Variants in SYNPR observed in about 807,000 individuals in gnomAD.
SYNPR encodes synaptoporin.
Under a neutral mutation model 32.9 loss-of-function variants are expected in SYNPR, and 23 were observed. That is an observed-to-expected ratio of 0.70 (90% CI 0.50 to 0.99). SYNPR has a LOEUF of 0.99. SYNPR is among the 50% of genes least tolerant of loss of function. The probability of loss-of-function intolerance (pLI) is 0.00; values close to 1 mark genes in which losing one functional copy is unlikely to be tolerated. For missense variants in SYNPR, 318 were observed against 349.3 expected, an observed-to-expected ratio of 0.91 and a Z score of 0.71; for synonymous variants, 146 against 135.9, an observed-to-expected ratio of 1.07 and a Z score of -0.52.
intron 2 of SYNPR, among the ~76,000 whole-genome samples, chr3:63,456,438 G>A (rs1160342997): frequency 6.6e-6 from 1 of 152,080 alleles, no homozygotes; most frequent in African/African-American, 2.4e-5. Flanking sequence ...ATAAGGATAT[G>A]GGAATGGGAT....
At chr3:63,224,535 T>C (rs2086114796), upstream of SYNPR, among the ~76,000 whole-genome samples, 1 of 152,146 alleles carries the variant, frequency 6.6e-6, no homozygotes, top group African/African-American at 2.4e-5. Flanking sequence ...CAGAAAAAGG[T>C]GAAATAAAGG....
Position 63,243,884 on chromosome 3 carries a change from A to G in SYNPR, n.67-8615A>G, listed in dbSNP as rs576292132. On this transcript the variant is annotated intron_variant and non_coding_transcript_variant, in intron 1 of 4. Transcript: ENST00000478456. Reference sequence around the variant, plus strand: ...CTGTGGAATAAAAAAAACAAAAACAAAAACAAAACAAAAAAACAGGCTAAG... The same window carrying G: ...CTGTGGAATAAAAAAAACAAAAACAGAAACAAAACAAAAAAACAGGCTAAG... Among the ~76,000 whole-genome samples the G allele has an allele frequency of 2.6e-5, 4 of 152,208 alleles. No homozygotes were observed. The East Asian group carries it at 7.8e-4, about 30-fold the overall frequency.
chr3:63,495,574 T>A (rs988310677), intron 3 of SYNPR, among the ~76,000 whole-genome samples: 1 of 152,208 alleles, frequency 6.6e-6, no homozygotes, highest in Non-Finnish European at 1.5e-5. Context: ...ACGTGTTTTA[T>A]TTTAGTACAT....
At chr3:63,516,164 T>C (rs1043120770) in intron 3 of SYNPR, among the ~76,000 whole-genome samples, 3 of 152,162 alleles carry the variant, frequency 2.0e-5, no homozygotes, top group African/African-American at 7.2e-5. Context: ...ACTGGCTATT[T>C]AGAAAAATAC....
chr3:63,464,189 G>T (rs2106661165), intron 2 of SYNPR, among the ~76,000 whole-genome samples: 1 of 152,238 alleles, frequency 6.6e-6, no homozygotes, highest in South Asian at 2.1e-4. Context: ...TTTCTGCAAA[G>T]AACTTTTTCT....
chr3:63,286,917 A>G (rs534253406), intron 2 of SYNPR, among the ~76,000 whole-genome samples: 1 of 152,314 alleles, frequency 6.6e-6, no homozygotes, highest in African/African-American at 2.4e-5. Flanking sequence ...ATGATAAAGA[A>G]ATACCTTTTT....
intron 2 of SYNPR, among the ~76,000 whole-genome samples, chr3:63,373,389 G>T (rs1036931773): frequency 3.3e-5 from 5 of 152,150 alleles, no homozygotes; most frequent in Non-Finnish European, 5.9e-5. Context: ...GAACCAAACT[G>T]ATCTGATACA....
chr3:63,306,331 T>C (rs1193674303), intron 2 of SYNPR, among the ~76,000 whole-genome samples: 1 of 151,856 alleles, frequency 6.6e-6, no homozygotes, highest in East Asian at 2.0e-4. Context: ...CTCCATATGC[T>C]CCCTTTCAAT....
the SYNPR span, chr3:63,203,068 G>GTATATATATATACATA: frequency 1.4e-4 from 15 of 108,590 alleles, no homozygotes; most frequent in Non-Finnish European, 2.3e-4. Flanking sequence ...ATATGTATGT[G>GTATATATATATACATA]TATATATATA....
rs142038692 is a variant in SYNPR, at chr3:63,531,238, G to A, written c.210-25305G>A. ...CATAACAAAGCATCACAAACTGGGT[G>A]GTTTAAAACAACTGAAATTTATTGT... is the stretch of plus-strand genomic sequence containing the variant. On this transcript the variant is annotated intron_variant, in intron 3 of 5. Coordinates refer to ENST00000478300, the MANE Select transcript of SYNPR (RefSeq NM_001130003.2). Among the ~76,000 whole-genome samples the A allele has an allele frequency of 3.9e-3, 601 of 152,194 alleles. 1 individual carries two copies. The highest frequency in any genetic ancestry group is 0.013 in the African/African-American group (559 of 41,532).
At chr3:63,242,405 C>T (rs912974036) in intron 1 of SYNPR, among the ~76,000 whole-genome samples, 44 of 152,028 alleles carry the variant, frequency 2.9e-4, no homozygotes, top group Admixed American at 2.6e-3. Context: ...AACTCTGCCC[C>T]GACCAGCTAG....
chr3:63,470,504 C>T lies in SYNPR; in HGVS notation c.85-10328C>T, dbSNP rs535840059. 9.2e-5 allele frequency among the ~76,000 whole-genome samples: 14 copies of T among 152,228 alleles called. No individual in the cohort carries two copies. The East Asian group carries it at 2.7e-3, about 29-fold the overall frequency. ...ATTGATAGGCAAGAGTTCAATTTAG[C>T]TCATTGCATAAAGGCACAGGGCTGT... On this transcript the variant is annotated intron_variant, in intron 2 of 5. Transcript: ENST00000478300.
At chr3:63,401,375 A>C (rs1478984604) in intron 2 of SYNPR, among the ~76,000 whole-genome samples, 8 of 152,204 alleles carry the variant, frequency 5.3e-5, no homozygotes, top group African/African-American at 1.4e-4. Flanking sequence ...AATTAGAAGT[A>C]AGAAGAAAAG....
intron 3 of SYNPR, among the ~76,000 whole-genome samples, chr3:63,507,330 C>G (rs1701608832): frequency 6.6e-6 from 1 of 151,848 alleles, no homozygotes; most frequent in African/African-American, 2.4e-5. Context: ...CACAAAATTG[C>G]TTCTGTAGTC....
At chr3:63,583,311 C>G (rs1703124263) in intron 4 of SYNPR, among the ~76,000 whole-genome samples, 1 of 152,002 alleles carries the variant, frequency 6.6e-6, no homozygotes, top group Non-Finnish European at 1.5e-5. Context: ...CTCCTGTAGG[C>G]CATGTGGACA....
chr3:63,508,646 T>C (rs1046639064), intron 3 of SYNPR, among the ~76,000 whole-genome samples: 1 of 152,128 alleles, frequency 6.6e-6, no homozygotes, highest in Admixed American at 6.6e-5. Flanking sequence ...AGGAAAGTAA[T>C]ATGACTGGCC....
intron 3 of SYNPR, chr3:63,545,625 C>A (rs1247033541): frequency 6.6e-6 from 1 of 151,868 alleles, no homozygotes; most frequent in African/African-American, 2.4e-5. Context: ...TAAGGCAGAT[C>A]CTCCTTGAAA....
At chr3:63,327,562 G>A (rs1297304736) in intron 2 of SYNPR, among the ~76,000 whole-genome samples, 2 of 151,988 alleles carry the variant, frequency 1.3e-5, no homozygotes, top group Non-Finnish European at 2.9e-5. Flanking sequence ...GTAGCATGAT[G>A]AACAAATACA....
intron 2 of SYNPR, among the ~76,000 whole-genome samples, chr3:63,315,115 C>T (rs1387524335): frequency 2.0e-5 from 3 of 151,948 alleles, no homozygotes; most frequent in Non-Finnish European, 4.4e-5. Flanking sequence ...TATCCCAGTA[C>T]CATGCTGTTT....
Sources: allele counts gnomAD v4.1 joint callset (sites outside exome capture counted in the v4.1 genomes callset), GRCh38; gene constraint gnomAD v4.1.1; transcripts MANE v1.5; gene names NCBI Gene and HGNC (gene_info 2026-07-23, HGNC 2026-07-21).